PCDHGA8: variants seen among roughly 807,000 people sequenced by gnomAD.
PCDHGA8 encodes the protein protocadherin gamma subfamily A, 8.
In PCDHGA8, 45 loss-of-function variants were observed where a neutral mutation model predicts 59.2. The observed-to-expected ratio is 0.76, with a 90% confidence interval of 0.60 to 0.98. The LOEUF is 0.98. PCDHGA8 is among the 50% of genes least tolerant of loss of function. The pLI, the probability that PCDHGA8 is intolerant of heterozygous loss-of-function variation, is 0.00. For synonymous variants in PCDHGA8, 531 were observed against 519.0 expected, an observed-to-expected ratio of 1.02 and a Z score of -0.32; for missense variants, 1,257 against 1,196.2, an observed-to-expected ratio of 1.05 and a Z score of -0.75.
Position 141,478,316 on chromosome 5 carries a change from C to T in PCDHGA8, c.2425-16491C>T, listed in dbSNP as rs776948755. ...CCTATACCGAGCCCCGGTGAGCTCA[C>T]TGTACCGAACACCAGGGCCCTCCTT... On this transcript the variant is annotated intron_variant, in intron 1 of 3. Coordinates refer to ENST00000398604, the MANE Select transcript of PCDHGA8 (RefSeq NM_032088.2). 120 of 1,613,924 alleles carry T rather than the reference C, an allele frequency of 7.4e-5. 2 individuals carry two copies. In the South Asian group the frequency reaches 1.3e-3, roughly 18 times the overall value.
intron 1 of PCDHGA8, chr5:141,400,212 C>A (rs773459521): frequency 6.2e-7 from 1 of 1,614,058 alleles, no homozygotes; most frequent in East Asian, 2.2e-5. Context: ...TGGCCTTGAT[C>A]TCAGTGCTCT....
At position 141,404,691 on chromosome 5, in the gene PCDHGA8, G is replaced by T. The variant is rs200601931; in HGVS notation, c.2424+9454G>T. ...TCTACTGGTGTGGAGCTGGCACCCC[G>T]CTCTGCAGAGCCTGGCTACCTGGTG... On this transcript the variant is annotated intron_variant, in intron 1 of 3. Transcript: ENST00000398604. 28 of 1,613,996 alleles carry T rather than the reference G, an allele frequency of 1.7e-5. No individual in the cohort carries two copies. The highest frequency in any genetic ancestry group is 1.6e-4 in the Middle Eastern group (1 of 6,062).
intron 1 of PCDHGA8, chr5:141,424,789 A>T (rs538504226): frequency 2.0e-5 from 3 of 152,238 alleles, no homozygotes; most frequent in African/African-American, 7.2e-5. Flanking sequence ...CAGTTCTTTT[A>T]TTCAGACCAA....
At chr5:141,441,005 C>T (rs772059231) in intron 1 of PCDHGA8, 1 of 152,116 alleles carries the variant, frequency 6.6e-6, no homozygotes, top group Non-Finnish European at 1.5e-5. Context: ...CTAGTTTGGC[C>T]TTGATCAAAT....
intron 2 of PCDHGA8, among the ~76,000 whole-genome samples, chr5:141,497,614 A>C (rs1377740795): frequency 6.8e-6 from 1 of 146,530 alleles, no homozygotes; most frequent in African/African-American, 2.6e-5. Context: ...ATCTTGGCTC[A>C]CTGCAACCTC....
rs141514361 is a variant in PCDHGA8, at chr5:141,494,629, A to G, written c.2425-178A>G. 4,666 of 858,664 alleles carry G rather than the reference A, an allele frequency of 5.4e-3. 23 individuals are homozygous for G. Among genetic ancestry groups the G allele is most frequent in the Admixed American group, 0.011 (170 of 16,094 alleles). 53.2% of individuals were successfully genotyped at this position (858,664 alleles called of 1,614,324 possible). On this transcript the variant is annotated intron_variant, in intron 1 of 3. Coordinates refer to ENST00000398604, the MANE Select transcript of PCDHGA8 (RefSeq NM_032088.2). ...TATCTCTTGGTTTCTGGTACCTCAGACCTCTGAGACCTGAGGTGTATTTTG... is the reference window on the plus strand; with the variant it reads ...TATCTCTTGGTTTCTGGTACCTCAGGCCTCTGAGACCTGAGGTGTATTTTG...
At position 141,486,891 on chromosome 5, in the gene PCDHGA8, G is replaced by A. The variant is rs201201426; in HGVS notation, c.2425-7916G>A. 38 of 1,614,118 alleles carry A rather than the reference G, an allele frequency of 2.4e-5. No individual in the cohort carries two copies. The highest frequency in any genetic ancestry group is 3.1e-5 in the Non-Finnish European group (37 of 1,180,064). Reference sequence around the variant, plus strand: ...GTGCTCCGTCCTCGGGCCCGGCCTGGTTCCTTATGTCCCCAAGCACTGCCT... The same window carrying A: ...GTGCTCCGTCCTCGGGCCCGGCCTGATTCCTTATGTCCCCAAGCACTGCCT... On this transcript the variant is annotated intron_variant, in intron 1 of 3. Coordinates refer to ENST00000398604, the MANE Select transcript of PCDHGA8 (RefSeq NM_032088.2). This position sits in a 1 kb window ranked among gnomAD's most constrained non-coding sequence, Gnocchi z 5.0.
chr5:141,414,526 G>T, intron 1 of PCDHGA8: 1 of 1,613,912 alleles, frequency 6.2e-7, no homozygotes, highest in Non-Finnish European at 8.5e-7. Flanking sequence ...AGATATCAAT[G>T]ACAACCCACC....
chr5:141,413,686 C>T, intron 1 of PCDHGA8: 4 of 1,613,812 alleles, frequency 2.5e-6, no homozygotes, highest in Non-Finnish European at 3.4e-6. Context: ...CGTGAACTCC[C>T]TGCAGAGCTA....
At position 141,415,393 on chromosome 5, in the gene PCDHGA8, T is replaced by C. The variant is rs574028530; in HGVS notation, c.2424+20156T>C. On this transcript the variant is annotated intron_variant, in intron 1 of 3. Transcript: ENST00000398604. ...TTCAGGAGGCGGCTTGACAGGTGTG[T>C]CCGGCTCGCACTTTGTGGGCGTGGA... 1.1e-5 allele frequency: 17 copies of C among 1,614,190 alleles called. No individual in the cohort carries two copies. In the East Asian group the frequency reaches 2.5e-4, roughly 23 times the overall value.
Position 141,490,457 on chromosome 5 carries a change from T to C in PCDHGA8, c.2425-4350T>C. 1 of 1,614,214 alleles carries C rather than the reference T, an allele frequency of 6.2e-7. No homozygotes were observed. Among genetic ancestry groups the C allele is most frequent in the Non-Finnish European group, 8.5e-7 (1 of 1,180,042 alleles). ...AAGCCTTCTGAGAACCACTACTCGC[T>C]GCTAACCAGCCAGCCTTTGGACCGG... On this transcript the variant is annotated intron_variant, in intron 1 of 3. Coordinates refer to ENST00000398604, the MANE Select transcript of PCDHGA8 (RefSeq NM_032088.2). The surrounding 1 kb of genome is among the most constrained non-coding windows in gnomAD (Gnocchi z 5.4).
At chr5:141,496,662 T>A (rs557106775) in intron 2 of PCDHGA8, among the ~76,000 whole-genome samples, 1 of 152,344 alleles carries the variant, frequency 6.6e-6, no homozygotes, top group African/African-American at 2.4e-5. Flanking sequence ...TGACCCCAGC[T>A]GTTGTCCTTC....
At chr5:141,414,221 C>A in intron 1 of PCDHGA8, 1 of 1,613,126 alleles carries the variant, frequency 6.2e-7, no homozygotes, top group Non-Finnish European at 8.5e-7. Flanking sequence ...GACAACAGTC[C>A]AGAGCTGACC....
At chr5:141,433,266 T>C in intron 1 of PCDHGA8, 1 of 1,315,306 alleles carries the variant, frequency 7.6e-7, no homozygotes, top group Non-Finnish European at 1.1e-6. Flanking sequence ...CGATCATAGC[T>C]CACTGCAGCC....
chr5:141,422,030 C>G, intron 1 of PCDHGA8: 1 of 1,609,592 alleles, frequency 6.2e-7, no homozygotes, highest in African/African-American at 1.3e-5. Flanking sequence ...GTTAATGCAA[C>G]GGATCCAGAC....
In PCDHGA8 at chr5:141,511,186, G is replaced by T; in HGVS notation, c.*13G>T. On this transcript the variant is annotated 3_prime_UTR_variant, in exon 4 of 4. Transcript: ENST00000398604. ...GGAGAAGAAGTAACATGGAGGCCAG[G>T]CCAAGAGCCACAGGGCGGCCTCTCC... 6.2e-7 allele frequency: 1 copy of T among 1,613,906 alleles called. No individual in the cohort carries two copies. The highest frequency in any genetic ancestry group is 2.2e-5 in the East Asian group (1 of 44,876).
intron 1 of PCDHGA8, chr5:141,419,105 C>G: frequency 6.2e-7 from 1 of 1,613,918 alleles, no homozygotes; most frequent in Non-Finnish European, 8.5e-7. Context: ...GGAGCAGACC[C>G]CAGAGTACAA....
chr5:141,488,672 G>A (rs1012955473), intron 1 of PCDHGA8, among the ~76,000 whole-genome samples: 20 of 152,208 alleles, frequency 1.3e-4, no homozygotes, highest in African/African-American at 4.8e-4. Context: ...GAATACATGG[G>A]CTTTGCCTCT....
chr5:141,465,171 G>T (rs969390966), intron 1 of PCDHGA8, among the ~76,000 whole-genome samples: 1 of 151,728 alleles, frequency 6.6e-6, no homozygotes, highest in Non-Finnish European at 1.5e-5. Flanking sequence ...TGTTTATGAA[G>T]AAATTTAATT....
Sources: allele counts gnomAD v4.1 joint callset (sites outside exome capture counted in the v4.1 genomes callset), GRCh38; gene constraint gnomAD v4.1.1; non-coding constraint Gnocchi (gnomAD v3.1); transcripts MANE v1.5; gene names NCBI Gene and HGNC (gene_info 2026-07-23, HGNC 2026-07-21).